The following NRG3 variants were observed in gnomAD, a reference collection of about 807,000 sequenced individuals.
The protein encoded by NRG3 is neuregulin 3.
A neutral mutation model predicts 66.9 loss-of-function variants in NRG3; 31 were observed. The ratio of observed to expected loss-of-function variants is 0.46; its 90% CI spans 0.35 to 0.63. NRG3 has a LOEUF of 0.63. Ranked by LOEUF, NRG3 falls within the 20% of genes least tolerant of loss-of-function variation. The pLI, the probability that NRG3 is intolerant of heterozygous loss-of-function variation, is 0.00. For missense variants in NRG3, 910 were observed against 878.9 expected (o/e 1.04, Z -0.45); for synonymous variants, 393 against 359.4 (o/e 1.09, Z -1.06).
intron 4 of NRG3, among the ~76,000 whole-genome samples, chr10:82,869,042 A>C (rs1049240529): frequency 4.1e-4 from 63 of 152,282 alleles, no homozygotes; most frequent in African/African-American, 1.5e-3. Context: ...CCTTCCACTG[A>C]AAGTGCCATC....
intron 2 of NRG3, among the ~76,000 whole-genome samples, chr10:82,629,108 G>A (rs1008151475): frequency 2.0e-5 from 3 of 152,154 alleles, no homozygotes; most frequent in Non-Finnish European, 4.4e-5. Flanking sequence ...CAGTTAGCAT[G>A]CATACTAACA....
At chr10:82,208,344 A>G (rs2075230072) in intron 1 of NRG3, among the ~76,000 whole-genome samples, 1 of 152,148 alleles carries the variant, frequency 6.6e-6, no homozygotes, top group African/African-American at 2.4e-5. Flanking sequence ...AATGTTTTAT[A>G]TTAGGTATTT....
At chr10:82,622,015 A>G (rs1181278302) in intron 2 of NRG3, among the ~76,000 whole-genome samples, 3 of 152,180 alleles carry the variant, frequency 2.0e-5, no homozygotes, top group East Asian at 1.9e-4. Flanking sequence ...TCCTTTTCCC[A>G]TCTGGGTCAG....
intron 2 of NRG3, among the ~76,000 whole-genome samples, chr10:82,719,148 G>A (rs2057146344): frequency 6.6e-6 from 1 of 152,202 alleles, no homozygotes; most frequent in Admixed American, 6.5e-5. Context: ...GTGAATGGGA[G>A]TGTGTATACC....
At chr10:82,393,919 G>C (rs1040849005) in intron 2 of NRG3, among the ~76,000 whole-genome samples, 2 of 152,152 alleles carry the variant, frequency 1.3e-5, no homozygotes, top group African/African-American at 2.4e-5. Context: ...AGGGTATTTT[G>C]TGTGGTCAGA....
intron 2 of NRG3, among the ~76,000 whole-genome samples, chr10:82,438,981 C>G (rs1269807861): frequency 1.3e-5 from 2 of 151,730 alleles, no homozygotes; most frequent in Admixed American, 6.6e-5. Context: ...TAGTCGGCCA[C>G]CTTGGTCCTG....
intron 1 of NRG3, among the ~76,000 whole-genome samples, chr10:81,888,842 G>A (rs1476002783): frequency 1.3e-5 from 2 of 152,240 alleles, no homozygotes; most frequent in African/African-American, 4.8e-5. Flanking sequence ...TTCAGAAGGT[G>A]CGAGGTTTCC....
intron 1 of NRG3, among the ~76,000 whole-genome samples, chr10:82,300,573 A>G (rs1432552961): frequency 1.3e-5 from 2 of 152,180 alleles, no homozygotes; most frequent in Non-Finnish European, 2.9e-5. Context: ...AGAAGATGAG[A>G]CACCTATTGG....
intron 1 of NRG3, among the ~76,000 whole-genome samples, chr10:82,294,372 T>C (rs1431483917): frequency 6.6e-6 from 1 of 152,112 alleles, no homozygotes; most frequent in East Asian, 1.9e-4. Flanking sequence ...ATGCCTAGGA[T>C]GCATTAGATA....
chr10:82,901,159 G>A (rs1328474767), intron 4 of NRG3, among the ~76,000 whole-genome samples: 3 of 152,050 alleles, frequency 2.0e-5, no homozygotes, highest in South Asian at 2.1e-4. Flanking sequence ...TACTGAGAGC[G>A]CTTGCCTTTG....
At chr10:82,376,828 T>G (rs2085272463) in intron 2 of NRG3, among the ~76,000 whole-genome samples, 1 of 152,208 alleles carries the variant, frequency 6.6e-6, no homozygotes, top group Non-Finnish European at 1.5e-5. Context: ...TCCCTCTTCC[T>G]TCTATGCATA....
intron 2 of NRG3, among the ~76,000 whole-genome samples, chr10:82,666,942 A>G (rs2052836952): frequency 6.6e-6 from 1 of 152,230 alleles, no homozygotes; most frequent in African/African-American, 2.4e-5. Flanking sequence ...GGGTACTTGC[A>G]CATCGTCTAG....
At chr10:82,697,545 C>G (rs1017668796) in intron 2 of NRG3, among the ~76,000 whole-genome samples, 1 of 152,274 alleles carries the variant, frequency 6.6e-6, no homozygotes, top group East Asian at 1.9e-4. Flanking sequence ...CAAACAAACA[C>G]TACGTCCAAT....
At chr10:81,947,719 G>A (rs1252048144) in intron 1 of NRG3, among the ~76,000 whole-genome samples, 2 of 151,758 alleles carry the variant, frequency 1.3e-5, no homozygotes, top group African/African-American at 4.8e-5. Flanking sequence ...TTGCACACCT[G>A]AAGTGTATGA....
chr10:82,551,955 T>C (rs912689911), intron 2 of NRG3, among the ~76,000 whole-genome samples: 4 of 152,150 alleles, frequency 2.6e-5, no homozygotes, highest in African/African-American at 9.7e-5. Context: ...TTTTTTTTAA[T>C]TTAAAAACAC....
At chr10:82,960,641 C>T (rs1014508325) in intron 6 of NRG3, among the ~76,000 whole-genome samples, 16 of 151,946 alleles carry the variant, frequency 1.1e-4, no homozygotes, top group African/African-American at 3.9e-4. Flanking sequence ...GACATTCCAC[C>T]ACAAATGAAG....
intron 1 of NRG3, among the ~76,000 whole-genome samples, chr10:81,925,544 T>C (rs1189167587): frequency 1.3e-5 from 2 of 152,204 alleles, no homozygotes; most frequent in African/African-American, 4.8e-5. Context: ...CTTGCAAATA[T>C]GAAGTGCAAA....
At chr10:82,174,893 A>G (rs2072909504) in intron 1 of NRG3, among the ~76,000 whole-genome samples, 2 of 152,108 alleles carry the variant, frequency 1.3e-5, no homozygotes, top group African/African-American at 4.8e-5. Context: ...ATTGAAGCCT[A>G]TTTAAGCCCC....
chr10:82,567,188 A>G (rs933944809), intron 2 of NRG3, among the ~76,000 whole-genome samples: 1 of 151,942 alleles, frequency 6.6e-6, no homozygotes, highest in Non-Finnish European at 1.5e-5. Context: ...TAATATTTAT[A>G]CTTAGCTCCC....
Sources: allele counts gnomAD v4.1 joint callset (sites outside exome capture counted in the v4.1 genomes callset), GRCh38; gene constraint gnomAD v4.1.1; transcripts MANE v1.5; gene names NCBI Gene and HGNC (gene_info 2026-07-23, HGNC 2026-07-21).